LYST: variants seen among roughly 807,000 people sequenced by gnomAD.
LYST encodes the protein lysosomal trafficking regulator.
A neutral mutation model predicts 413.6 loss-of-function variants in LYST; 192 were observed. That is an observed-to-expected ratio of 0.46 (90% CI 0.41 to 0.52). The LOEUF (loss-of-function observed/expected upper bound fraction) is 0.52. LYST is among the 20% of genes least tolerant of loss of function. The pLI is 0.00. For synonymous variants in LYST, 1,525 were observed against 1,567.3 expected (o/e 0.97, Z 0.64); for missense variants, 3,815 against 4,499.9 (o/e 0.85, Z 4.35).
Position 235,731,192 on chromosome 1 carries a change from A to T in LYST, c.8802-15T>A, listed in dbSNP as rs774762663. On this transcript the variant is annotated splice_polypyrimidine_tract_variant and intron_variant, in intron 34 of 52. Coordinates refer to ENST00000389793, the MANE Select transcript of LYST (RefSeq NM_000081.4). ...ACCATACTGCTCTGCAAGTAAAAAG[A>T]TTAAAGGGTGTTTTAAGTGACCATC... The T allele has an allele frequency of 6.2e-7, 1 of 1,613,768 alleles. No homozygotes were observed. The highest frequency in any genetic ancestry group is 2.2e-5 in the East Asian group (1 of 44,852).
intron 1 of LYST, among the ~76,000 whole-genome samples, chr1:235,863,348 C>G (rs1009243522): frequency 6.6e-6 from 1 of 151,772 alleles, no homozygotes; most frequent in Non-Finnish European, 1.5e-5. Context: ...ACCAAGATCT[C>G]GCCTCTACAC....
At chr1:235,767,819 T>C (rs1305045169) in intron 20 of LYST, among the ~76,000 whole-genome samples, 1 of 152,142 alleles carries the variant, frequency 6.6e-6, no homozygotes, top group Non-Finnish European at 1.5e-5. Flanking sequence ...TTGTAAGTCA[T>C]TAAGAATTTC....
chr1:235,707,792 T>A (rs889655313), intron 44 of LYST, among the ~76,000 whole-genome samples: 1 of 152,196 alleles, frequency 6.6e-6, no homozygotes, highest in African/African-American at 2.4e-5. Flanking sequence ...AATTATTCTA[T>A]AGCTATACTT....
intron 31 of LYST, among the ~76,000 whole-genome samples, chr1:235,741,093 A>C (rs1443268764): frequency 6.6e-6 from 1 of 152,218 alleles, no homozygotes; most frequent in East Asian, 1.9e-4. Context: ...GATGTTTCAC[A>C]GGTAATATAA....
chr1:235,840,793 T>C (rs1419448940), intron 1 of LYST, among the ~76,000 whole-genome samples: 1 of 152,224 alleles, frequency 6.6e-6, no homozygotes, highest in African/African-American at 2.4e-5. Context: ...GGCGTCATAC[T>C]CCAAGCAAAT....
chr1:235,702,756 G>C lies in LYST; in HGVS notation c.10365C>G (p.Ile3455Met). ...AATCCAAATGACATACCGGATAGGT[G>C]ATTTCTTTGACCTGTTCTCGGGTCT... Reference protein sequence around the residue: ...FRETREQVKEITYPSPLSWIK... With the variant: ...FRETREQVKEMTYPSPLSWIK... Residue 3455 changes from isoleucine to methionine, a missense_variant, in exon 45 of 53, where the codon ATC becomes ATG. Coordinates refer to ENST00000389793, the MANE Select transcript of LYST (RefSeq NM_000081.4). 1 of 1,613,790 alleles carries C rather than the reference G, an allele frequency of 6.2e-7. No individual in the cohort carries two copies. Among genetic ancestry groups the C allele is most frequent in the Non-Finnish European group, 8.5e-7 (1 of 1,179,704 alleles).
chr1:235,836,664 G>C (rs1438281587), intron 1 of LYST, among the ~76,000 whole-genome samples: 1 of 152,146 alleles, frequency 6.6e-6, no homozygotes, highest in African/African-American at 2.4e-5. Context: ...AGTAAGCATG[G>C]AAAGAGGAAA....
intron 44 of LYST, among the ~76,000 whole-genome samples, chr1:235,707,347 C>T (rs1009419475): frequency 3.9e-5 from 6 of 152,122 alleles, no homozygotes; most frequent in Admixed American, 6.5e-5. Context: ...AAAATGTAGG[C>T]CAGACATGGT....
At chr1:235,729,822 T>C (rs1230021363) in intron 36 of LYST, among the ~76,000 whole-genome samples, 165 bp from the exon 37 acceptor site, 2 of 152,130 alleles carry the variant, frequency 1.3e-5, no homozygotes, top group Non-Finnish European at 2.9e-5. Context: ...AGCTCCTTTT[T>C]AGCATTCTAT....
chr1:235,801,087 T>A lies in LYST; in HGVS notation c.3723A>T (p.Leu1241Phe), dbSNP rs773887039. 1.3e-6 allele frequency: 2 copies of A among 1,599,854 alleles called. No homozygotes were observed. The highest frequency in any genetic ancestry group is 3.3e-5 in the Admixed American group (2 of 60,002). Residue 1241 changes from leucine to phenylalanine, a missense_variant, in exon 9 of 53, where the codon TTA becomes TTT. Leu to Phe is a conservative substitution (Grantham distance 22). Coordinates refer to ENST00000389793, the MANE Select transcript of LYST (RefSeq NM_000081.4). ...CACTGAAACCTTCTGTTTCAGACTT[T>A]AAGTCTACCCCTGAAAAGAGAAAAG... ...DGETQDDGVD[L>F]KSETEGFSAS...
intron 3 of LYST, among the ~76,000 whole-genome samples, chr1:235,826,707 G>C (rs1291716353): frequency 6.6e-6 from 1 of 152,122 alleles, no homozygotes; most frequent in Non-Finnish European, 1.5e-5. Context: ...TTAAGACAGG[G>C]TTTCACTCTG....
chr1:235,677,998 C>T (rs941086941), intron 48 of LYST, among the ~76,000 whole-genome samples: 2 of 152,130 alleles, frequency 1.3e-5, no homozygotes, highest in African/African-American at 4.8e-5. Flanking sequence ...TAGTACCCCA[C>T]AATTTACAAC....
chr1:235,752,856 A>G (rs948386428), intron 26 of LYST, among the ~76,000 whole-genome samples, 188 bp downstream of exon 26: 7 of 151,948 alleles, frequency 4.6e-5, no homozygotes, highest in African/African-American at 1.7e-4. Context: ...CATTCAGTAA[A>G]TACAATTTCT....
In LYST at chr1:235,780,850, A is replaced by C. The variant is rs1336267300; in HGVS notation, c.5214+15T>G. ...CATTTACTATAAAATTAAAATTTAT[A>C]AAATTAAAACTTACAATTAAGAGAC... On this transcript the variant is annotated intron_variant, in intron 16 of 52. Transcript: ENST00000389793. 8.5e-7 allele frequency: 1 copy of C among 1,178,106 alleles called. No homozygotes were observed. Among genetic ancestry groups the C allele is most frequent in the Non-Finnish European group, 1.2e-6 (1 of 842,222 alleles). The allele number at this position is 1,178,106 out of a possible 1,614,324, so 73.0% of individuals were successfully genotyped here. A position where few individuals can be genotyped will look rare whatever the true frequency, so the allele number is the denominator to read the frequency against.
chr1:235,842,099 T>C (rs1677287217), intron 1 of LYST, among the ~76,000 whole-genome samples: 1 of 151,996 alleles, frequency 6.6e-6, no homozygotes, highest in African/African-American at 2.4e-5. Flanking sequence ...CTGTTATCAC[T>C]GATCTGGAAA....
chr1:235,723,275 C>T (rs1026353780), intron 39 of LYST, among the ~76,000 whole-genome samples: 3 of 152,086 alleles, frequency 2.0e-5, no homozygotes, highest in African/African-American at 2.4e-5. Flanking sequence ...AGACATCAGT[C>T]GGGAGTTACA....
At chr1:235,778,000 G>A (rs972900137) in intron 16 of LYST, among the ~76,000 whole-genome samples, 23 of 150,814 alleles carry the variant, frequency 1.5e-4, no homozygotes, top group African/African-American at 5.4e-4. Context: ...ATAGCTCACC[G>A]TAGCCTTGAA....
At position 235,803,049 on chromosome 1, in the gene LYST, C is replaced by T. The variant is rs1462243987; in HGVS notation, c.3571G>A (p.Glu1191Lys). ...AMTEKSHQSA[E>K]ELSSQPGDFS... is the part of the protein sequence containing the mutation. The stretch of plus-strand genomic sequence containing the variant: ...TCACCAGGCTGGGATGACAATTCTT[C>T]TGCAGATTGATGACTCTATAAATCA... Residue 1191 changes from glutamate to lysine, a missense_variant, in exon 8 of 53, where the codon GAA becomes AAA. By Grantham distance (56) the Glu-to-Lys change is moderately conservative. This residue lies in a region of LYST where 1,648 missense variants were observed against 1,810.3 expected (regional missense o/e 0.91). Transcript: ENST00000389793. 1.9e-6 allele frequency: 3 copies of T among 1,612,772 alleles called. No homozygotes were observed. Among genetic ancestry groups the T allele is most frequent in the Non-Finnish European group, 2.5e-6 (3 of 1,179,568 alleles).
chr1:235,763,099 C>T (rs368583893), intron 21 of LYST, among the ~76,000 whole-genome samples: 1 of 152,180 alleles, frequency 6.6e-6, no homozygotes, highest in East Asian at 1.9e-4. Flanking sequence ...TCCAACTGTA[C>T]TTATAGTTAT....
Sources: allele counts gnomAD v4.1 joint callset (sites outside exome capture counted in the v4.1 genomes callset), GRCh38; gene constraint gnomAD v4.1.1; regional missense constraint gnomAD v4.1.1; transcripts MANE v1.5; gene names NCBI Gene and HGNC (gene_info 2026-07-23, HGNC 2026-07-21).